Variants in CD1B observed in about 807,000 individuals in gnomAD.
CD1B encodes the protein CD1b molecule.
In CD1B, 43 loss-of-function variants were observed where a neutral mutation model predicts 39.8. That is an observed-to-expected ratio of 1.08 (90% CI 0.85 to 1.39). CD1B has a LOEUF of 1.39. Ranked by LOEUF, CD1B falls within the 40% of genes most tolerant of loss-of-function variation. The pLI is 0.00. For missense variants in CD1B, 495 were observed against 403.8 expected, an observed-to-expected ratio of 1.23 and a Z score of -1.94; for synonymous variants, 192 against 152.5, an observed-to-expected ratio of 1.26 and a Z score of -1.91.
chr1:158,311,759 G>T, the CD1B span, among the ~76,000 whole-genome samples: 1 of 151,996 alleles, frequency 6.6e-6, no homozygotes, highest in African/African-American at 2.4e-5. Flanking sequence ...AGACTGTTCT[G>T]TCCCCAATGT....
At chr1:158,320,889 A>G in the CD1B span, among the ~76,000 whole-genome samples, 8 of 151,932 alleles carry the variant, frequency 5.3e-5, no homozygotes, top group Non-Finnish European at 7.4e-5. Flanking sequence ...TTGATTTTTA[A>G]TTTTTTAATA....
chr1:158,301,036 G>A, the CD1B span, among the ~76,000 whole-genome samples: 1 of 151,864 alleles, frequency 6.6e-6, no homozygotes, highest in Non-Finnish European at 1.5e-5. Flanking sequence ...GGAATTACAG[G>A]TGTGAGCCAC....
the CD1B span, among the ~76,000 whole-genome samples, chr1:158,299,607 A>G: frequency 1.8e-4 from 27 of 152,166 alleles, no homozygotes; most frequent in Admixed American, 1.8e-3. Flanking sequence ...CTGTGAATCC[A>G]TCTGGTCCTG....
chr1:158,307,622 A>G, the CD1B span, among the ~76,000 whole-genome samples: 1 of 152,184 alleles, frequency 6.6e-6, no homozygotes, highest in African/African-American at 2.4e-5. Context: ...CCTGGCAGAG[A>G]CATAACAAAA....
At chr1:158,292,576 A>C in the CD1B span, 2 of 1,607,248 alleles carry the variant, frequency 1.2e-6, no homozygotes, top group Non-Finnish European at 1.7e-6. Context: ...TCATCAGAAC[A>C]CTTTTTCTGC....
In CD1B at chr1:158,328,975, A is replaced by G. The variant is rs760939099; in HGVS notation, c.926T>C (p.Ile309Thr). The G allele has an allele frequency of 9.9e-6, 16 of 1,613,894 alleles. No individual in the cohort carries two copies. Among genetic ancestry groups the G allele is most frequent in the Non-Finnish European group, 1.3e-5 (15 of 1,179,960 alleles). Residue 309 changes from isoleucine to threonine, a missense_variant, in exon 5 of 6, where the codon ATA becomes ACA. Physicochemically the swap from Ile to Thr is moderately conservative, Grantham distance 89. Transcript: ENST00000368168. The part of the protein sequence containing the change: ...TSIGSIVLAI[I>T]VPSLLLLLCL... Reference sequence around the variant, plus strand: ...TAGCAAAAGGAGCAAGGAAGGCACTATTATTGCCAAAACAATTGAGCCAAT... The same window carrying G: ...TAGCAAAAGGAGCAAGGAAGGCACTGTTATTGCCAAAACAATTGAGCCAAT...
the CD1B span, among the ~76,000 whole-genome samples, chr1:158,318,455 A>C: frequency 1.3e-5 from 2 of 152,090 alleles, no homozygotes; most frequent in Non-Finnish European, 2.9e-5. Context: ...ATTAGTTTAA[A>C]GTCGGTTTTA....
At chr1:158,317,040 T>C in the CD1B span, among the ~76,000 whole-genome samples, 1 of 151,788 alleles carries the variant, frequency 6.6e-6, no homozygotes, top group Non-Finnish European at 1.5e-5. Context: ...CTTTTTGATG[T>C]GCTGCTGGAT....
At chr1:158,289,877 G>GT in the CD1B span, 1 of 558,044 alleles carries the variant, frequency 1.8e-6, no homozygotes, top group Non-Finnish European at 3.2e-6. Context: ...TTCAGAGCAG[G>GT]TGGGGAAATG....
chr1:158,290,028 A>G, the CD1B span: 3 of 1,603,976 alleles, frequency 1.9e-6, no homozygotes, highest in East Asian at 6.7e-5. Flanking sequence ...AGATCAGCAA[A>G]CAGCTTTTCT....
chr1:158,328,043 C>T lies in CD1B; in HGVS notation c.*193G>A, dbSNP rs1652424775. On this transcript the variant is annotated 3_prime_UTR_variant, in exon 6 of 6. Transcript: ENST00000368168. ...ATCAGGGTGAATCACACTGTTAGTA[C>T]AGTCTCATAATAAATTTACAGTTTT... 1 of 558,656 alleles carries T rather than the reference C, an allele frequency of 1.8e-6. No individual in the cohort carries two copies. The highest frequency in any genetic ancestry group is 3.2e-5 in the Admixed American group (1 of 31,370). 34.6% of individuals were successfully genotyped at this position (558,656 alleles called of 1,614,324 possible). A position where few individuals can be genotyped will look rare whatever the true frequency, so the allele number is the denominator to read the frequency against.
At chr1:158,312,252 T>C in the CD1B span, among the ~76,000 whole-genome samples, 4 of 152,164 alleles carry the variant, frequency 2.6e-5, no homozygotes, top group African/African-American at 9.7e-5. Flanking sequence ...AAGTCTTTCC[T>C]GTGCTGTTCT....
In CD1B at chr1:158,328,136, A is replaced by C; in HGVS notation, c.*100T>G. The C allele has an allele frequency of 1.1e-6, 1 of 927,928 alleles. No homozygotes were observed. Among genetic ancestry groups the C allele is most frequent in the Non-Finnish European group, 1.7e-6 (1 of 587,664 alleles). The allele number at this position is 927,928 out of a possible 1,614,324, so 57.5% of individuals were successfully genotyped here. ...ATACATGAAAACTCTGATTTCATCA[A>C]ATTTGAAAATCATTTGAAATATGAT... On this transcript the variant is annotated 3_prime_UTR_variant, in exon 6 of 6. Coordinates refer to ENST00000368168, the MANE Select transcript of CD1B (RefSeq NM_001764.3).
chr1:158,292,212 C>A, the CD1B span: 23 of 1,614,154 alleles, frequency 1.4e-5, no homozygotes, highest in Non-Finnish European at 1.8e-5. Flanking sequence ...GGTGCCATCT[C>A]CAGGCTGTGG....
the CD1B span, among the ~76,000 whole-genome samples, chr1:158,297,626 A>C: frequency 6.6e-6 from 1 of 152,174 alleles, no homozygotes. Context: ...TAAACACCCC[A>C]AGACACAGAG....
the CD1B span, among the ~76,000 whole-genome samples, chr1:158,296,252 C>T: frequency 2.2e-3 from 340 of 151,858 alleles, 2 homozygotes; most frequent in African/African-American, 8.0e-3. Flanking sequence ...AGCAGGTGCT[C>T]AGTCTCAAGG....
chr1:158,286,933 AGCACCTCCTACTGC>A, the CD1B span, among the ~76,000 whole-genome samples: 1 of 152,096 alleles, frequency 6.6e-6, no homozygotes, highest in Non-Finnish European at 1.5e-5. Flanking sequence ...AGTATATATC[AGCACCTCCTACTGC>A]CCTTTACCTC....
At chr1:158,299,595 G>T in the CD1B span, among the ~76,000 whole-genome samples, 5 of 152,182 alleles carry the variant, frequency 3.3e-5, no homozygotes, top group South Asian at 6.2e-4. Context: ...AGTAGAATTT[G>T]TCTGTGAATC....
At chr1:158,293,068 T>A in the CD1B span, 1 of 893,056 alleles carries the variant, frequency 1.1e-6, no homozygotes, top group Non-Finnish European at 1.8e-6. Flanking sequence ...AATCCTTCCT[T>A]GAGTAAGTTT....
Sources: gnomAD v4.1 joint callset for allele counts (sites outside exome capture counted in the v4.1 genomes callset) on GRCh38, gnomAD v4.1.1 for gene constraint, MANE v1.5 for transcripts, NCBI Gene and HGNC (gene_info 2026-07-23, HGNC 2026-07-21) for gene names.